Variants in FAM124A observed in about 807,000 individuals in gnomAD.
FAM124A encodes the protein protein FAM124A.
Under a neutral mutation model 24.5 loss-of-function variants are expected in FAM124A, and 23 were observed. That is an observed-to-expected ratio of 0.94 (90% CI 0.68 to 1.33). FAM124A has a LOEUF of 1.33. Among genes scored for constraint, FAM124A ranks in the 40% most tolerant of loss-of-function variants. FAM124A has a pLI of 0.00. For synonymous variants in FAM124A, 287 were observed against 314.7 expected (o/e 0.91, Z 0.93); for missense variants, 623 against 722.8 (o/e 0.86, Z 1.58).
At chr13:51,241,769 C>T (rs1311083644) in intron 2 of FAM124A, among the ~76,000 whole-genome samples, 1 of 152,048 alleles carries the variant, frequency 6.6e-6, no homozygotes, top group Non-Finnish European at 1.5e-5. Flanking sequence ...TCCCCAGGCT[C>T]CATCCACTTC....
chr13:51,264,520 A>T (rs1377136021), intron 3 of FAM124A, among the ~76,000 whole-genome samples: 1 of 152,164 alleles, frequency 6.6e-6, no homozygotes, highest in East Asian at 1.9e-4. Context: ...GTAACTTGGG[A>T]GGCTGAGGCA....
chr13:51,256,577 G>A (rs7982205), intron 3 of FAM124A, among the ~76,000 whole-genome samples: 1 of 152,014 alleles, frequency 6.6e-6, no homozygotes. Flanking sequence ...GGCCATCATT[G>A]CTGGAATACT....
At chr13:51,259,283 A>G (rs1954708070) in intron 3 of FAM124A, among the ~76,000 whole-genome samples, 1 of 151,888 alleles carries the variant, frequency 6.6e-6, no homozygotes, top group South Asian at 2.1e-4. Flanking sequence ...TCCTTTTACA[A>G]TGCAAATCAG....
Position 51,222,576 on chromosome 13 carries a change from C to T in FAM124A, c.68+7C>T. 1 of 1,224,062 alleles carries T rather than the reference C, an allele frequency of 8.2e-7. No homozygotes were observed. The highest frequency in any genetic ancestry group is 1.0e-6 in the Non-Finnish European group (1 of 984,240). The allele number at this position is 1,224,062 out of a possible 1,614,324, so 75.8% of individuals were successfully genotyped here. On this transcript the variant is annotated splice_region_variant and intron_variant, in intron 1 of 3. Transcript: ENST00000322475. The stretch of plus-strand genomic sequence containing the variant: ...CGGGCGCCGAGACCGGAGGGTGAGC[C>T]GCGCCGGGCCGGGCCGCGGGCGGGG...
chr13:51,245,289 C>A (rs991779612), intron 2 of FAM124A: 6 of 634,280 alleles, frequency 9.5e-6, no homozygotes, highest in African/African-American at 1.9e-5. Flanking sequence ...GGCCGCCCCC[C>A]ACTTTAATCT....
rs1954696594 is a variant in FAM124A at position 51,258,332 on chromosome 13, A to G, written c.834+6131A>G. ...TTGAACATATGAATTTTGAGGGGAC[A>G]CAGTTCAACCCATAACAACTATCTT... On this transcript the variant is annotated intron_variant, in intron 3 of 3. Transcript: ENST00000322475. The surrounding 1 kb of genome is among the most constrained non-coding windows in gnomAD (Gnocchi z 4.2). Among the ~76,000 whole-genome samples, 1 of 152,242 alleles carries G rather than the reference A, an allele frequency of 6.6e-6. No individual in the cohort carries two copies. The highest frequency in any genetic ancestry group is 6.5e-5 in the Admixed American group (1 of 15,290).
At chr13:51,265,912 A>G (rs1165001783) in intron 3 of FAM124A, among the ~76,000 whole-genome samples, 2 of 152,236 alleles carry the variant, frequency 1.3e-5, no homozygotes, top group African/African-American at 2.4e-5. Flanking sequence ...ATTTATATAC[A>G]TTATTCTAGA....
intron 1 of FAM124A, among the ~76,000 whole-genome samples, chr13:51,229,856 A>G (rs1163682815): frequency 5.3e-5 from 8 of 152,162 alleles, no homozygotes; most frequent in Non-Finnish European, 1.2e-4. Flanking sequence ...TGGGTTACAA[A>G]TCCTGGGCTT....
chr13:51,268,092 CTTG>C (rs1954806309), intron 3 of FAM124A, among the ~76,000 whole-genome samples: 1 of 152,228 alleles, frequency 6.6e-6, no homozygotes, highest in African/African-American at 2.4e-5. Context: ...AGGAACAGGA[CTTG>C]TTGTGTCTGA....
At chr13:51,271,604 G>A in intron 3 of FAM124A, among the ~76,000 whole-genome samples, 1 of 151,360 alleles carries the variant, frequency 6.6e-6, no homozygotes, top group Non-Finnish European at 1.5e-5. Context: ...CTCTGGAATG[G>A]TTTTTTTTTA....
intron 3 of FAM124A, among the ~76,000 whole-genome samples, chr13:51,264,091 C>T (rs559180454): frequency 2.0e-5 from 3 of 152,320 alleles, no homozygotes; most frequent in Admixed American, 2.0e-4. Flanking sequence ...TCAAGGGTGA[C>T]TGATGCCTTT....
intron 3 of FAM124A, among the ~76,000 whole-genome samples, chr13:51,259,335 CCA>C (rs1472820617): frequency 1.3e-5 from 2 of 152,118 alleles, no homozygotes; most frequent in Admixed American, 1.3e-4. Flanking sequence ...GGCTGCTCAT[CCA>C]CAGAGTAAAG....
intron 3 of FAM124A, among the ~76,000 whole-genome samples, chr13:51,265,219 AAAG>A (rs1360277817): frequency 6.6e-6 from 1 of 152,142 alleles, no homozygotes; most frequent in Non-Finnish European, 1.5e-5. Context: ...ACCAGATGGG[AAAG>A]AAGGCTGCTG....
chr13:51,240,827 C>T (rs1954483011), intron 2 of FAM124A, among the ~76,000 whole-genome samples: 1 of 152,222 alleles, frequency 6.6e-6, no homozygotes, highest in Admixed American at 6.5e-5. Context: ...CTGCTCTTCT[C>T]AGGGATCCCA....
chr13:51,277,950 A>G (rs1011778060), intron 3 of FAM124A, among the ~76,000 whole-genome samples: 16 of 152,200 alleles, frequency 1.1e-4, no homozygotes, highest in African/African-American at 3.6e-4. Context: ...CTTTTGGATC[A>G]GTTACTGAAT....
At chr13:51,270,057 T>C (rs557992744) in intron 3 of FAM124A, among the ~76,000 whole-genome samples, 1 of 152,328 alleles carries the variant, frequency 6.6e-6, no homozygotes, top group East Asian at 1.9e-4. Flanking sequence ...CTGTTTACTC[T>C]GGGTTCTTCC....
intron 3 of FAM124A, among the ~76,000 whole-genome samples, chr13:51,273,385 G>A (rs1292500137): frequency 6.6e-6 from 1 of 152,170 alleles, no homozygotes; most frequent in African/African-American, 2.4e-5. Flanking sequence ...AGAAAACTGA[G>A]ATTAAACTGA....
chr13:51,246,886 G>C (rs1032058596), intron 2 of FAM124A, among the ~76,000 whole-genome samples: 1 of 152,180 alleles, frequency 6.6e-6, no homozygotes, highest in Middle Eastern at 3.2e-3. Flanking sequence ...ACCTTCTCCC[G>C]GGCCTCTTCA....
At position 51,252,216 on chromosome 13, in the gene FAM124A, CCTGT is replaced by C. The variant is rs767956423; in HGVS notation, c.834+24_834+27del. 1.7e-5 allele frequency: 28 copies of C among 1,608,390 alleles called. No individual in the cohort carries two copies. In the South Asian group the frequency reaches 1.8e-4, roughly 10 times the overall value. On this transcript the variant is annotated intron_variant, in intron 3 of 3. Coordinates refer to ENST00000322475, the MANE Select transcript of FAM124A (RefSeq NM_001242312.2). ...TCCTCCTACAGGTACTGGGGGGACGCCTGTCTGTCTGTTTAGGGGACCTGAGAAA... is the reference window on the plus strand; with the variant it reads ...TCCTCCTACAGGTACTGGGGGGACGCCTGTCTGTTTAGGGGACCTGAGAAA...
Sources: allele counts gnomAD v4.1 joint callset (sites outside exome capture counted in the v4.1 genomes callset), GRCh38; gene constraint gnomAD v4.1.1; non-coding constraint Gnocchi (gnomAD v3.1); transcripts MANE v1.5; gene names NCBI Gene and HGNC (gene_info 2026-07-23, HGNC 2026-07-21).